The following ZNF92 variants were observed in gnomAD, a reference collection of about 807,000 sequenced individuals.
ZNF92 encodes the protein zinc finger protein 92, also known as epididymis luminal protein 203.
A neutral mutation model predicts 12.4 loss-of-function variants in ZNF92; 11 were observed. The ratio of observed to expected loss-of-function variants is 0.89; its 90% CI spans 0.56 to 1.47. The LOEUF (loss-of-function observed/expected upper bound fraction) is 1.47, where lower values mean the gene tolerates loss of function less well. Ranked by LOEUF, ZNF92 falls within the 40% of genes most tolerant of loss-of-function variation. The pLI, the probability that ZNF92 is intolerant of heterozygous loss-of-function variation, is 0.00. For missense variants in ZNF92, 622 were observed against 681.0 expected (o/e 0.91, Z 0.96); for synonymous variants, 206 against 228.6 (o/e 0.90, Z 0.89).
At chr7:65,376,796 C>T (rs1793254875) in intron 1 of ZNF92, among the ~76,000 whole-genome samples, 1 of 152,054 alleles carries the variant, frequency 6.6e-6, no homozygotes, top group South Asian at 2.1e-4. Flanking sequence ...TAAGGCTTAG[C>T]TTTTAGAATG....
chr7:65,399,373 C>T lies in ZNF92; in HGVS notation c.1259C>T (p.Thr420Ile), dbSNP rs1584294611. 7 of 1,613,564 alleles carry T rather than the reference C, an allele frequency of 4.3e-6. No individual in the cohort carries two copies. Among genetic ancestry groups the T allele is most frequent in the Non-Finnish European group, 5.9e-6 (7 of 1,179,790 alleles). Reference sequence around the variant, plus strand: ...CTTACTGAACATAAGATAATTCATACTGGAGAGAAACCCTACAAATGTGAA... The same window carrying T: ...CTTACTGAACATAAGATAATTCATATTGGAGAGAAACCCTACAAATGTGAA... ...STLTEHKIIH[T>I]GEKPYKCEKC... is the part of the protein sequence containing the mutation. Residue 420 changes from threonine to isoleucine, a missense_variant, in exon 4 of 4, where the codon ACT becomes ATT. By Grantham distance (89) the Thr-to-Ile change is moderately conservative. Coordinates refer to ENST00000328747, the MANE Select transcript of ZNF92 (RefSeq NM_152626.4).
intron 3 of ZNF92, among the ~76,000 whole-genome samples, chr7:65,390,109 G>T (rs1793672414): frequency 1.3e-5 from 2 of 152,028 alleles, no homozygotes; most frequent in Non-Finnish European, 2.9e-5. Context: ...TTTATATCAT[G>T]TAGCTTATTT....
intron 3 of ZNF92, among the ~76,000 whole-genome samples, chr7:65,391,390 T>G (rs1408589559): frequency 6.6e-6 from 1 of 152,166 alleles, no homozygotes; most frequent in African/African-American, 2.4e-5. Context: ...TATTTCAAAT[T>G]TGTCTGTAAC....
rs781442558 is a variant in ZNF92, at chr7:65,399,537, C to G, written c.1423C>G (p.His475Asp). 1.2e-6 allele frequency: 2 copies of G among 1,613,396 alleles called. No homozygotes were observed. The highest frequency in any genetic ancestry group is 1.7e-6 in the Non-Finnish European group (2 of 1,179,684). Reference protein sequence around the residue: ...FSTLTKHKIIHTREKPYKCEE... With the variant: ...FSTLTKHKIIDTREKPYKCEE... ...AACCCTTACTAAACATAAAATAATT[C>G]ATACTAGAGAAAAACCCTACAAATG... Residue 475 changes from histidine (H) to aspartate (D), a missense_variant, in exon 4 of 4, where the codon CAT (histidine) becomes GAT (aspartate). Coordinates refer to ENST00000328747, the MANE Select transcript of ZNF92 (RefSeq NM_152626.4).
rs1332694368 is a variant in ZNF92, at chr7:65,399,384, C to T, written c.1270C>T (p.Pro424Ser). ...TAAGATAATTCATACTGGAGAGAAA[C>T]CCTACAAATGTGAAAAATGTGGCAA... ...EHKIIHTGEKPYKCEKCGKAF... is the reference protein window; with the variant it reads ...EHKIIHTGEKSYKCEKCGKAF... The change falls in exon 4 of 4, where the codon CCC becomes TCC. Residue 424 changes from proline to serine, a missense_variant. Physicochemically the swap from Pro to Ser is moderately conservative, Grantham distance 74. Coordinates refer to ENST00000328747, the MANE Select transcript of ZNF92 (RefSeq NM_152626.4). 9 of 1,613,124 alleles carry T rather than the reference C, an allele frequency of 5.6e-6. No homozygotes were observed. The highest frequency in any genetic ancestry group is 7.6e-6 in the Non-Finnish European group (9 of 1,179,668).
chr7:65,389,108 C>T (rs1033139556), intron 3 of ZNF92, among the ~76,000 whole-genome samples: 3 of 151,906 alleles, frequency 2.0e-5, no homozygotes, highest in Non-Finnish European at 2.9e-5. Flanking sequence ...TACAGGCACC[C>T]ACCACCATGC....
At position 65,399,671 on chromosome 7, in the gene ZNF92, C is replaced by T. The variant is rs754758417; in HGVS notation, c.1557C>T (p.Asn519=). 9 of 1,613,396 alleles carry T rather than the reference C, an allele frequency of 5.6e-6. No individual in the cohort carries two copies. Among genetic ancestry groups the T allele is most frequent in the Middle Eastern group, 1.6e-4 (1 of 6,080 alleles). The change falls in exon 4 of 4, where the codon AAC becomes AAT. Residue 519 remains asparagine, a synonymous_variant. Coordinates refer to ENST00000328747, the MANE Select transcript of ZNF92 (RefSeq NM_152626.4). The part of the protein sequence containing the change: ...YKCEKCGNAF[N]QSSNLTARKI... ...GTGAAAAATGTGGCAATGCTTTTAA[C>T]CAGTCCTCAAACCTTACTGCACGTA...
rs1793962872 is a variant in ZNF92 at position 65,399,816 on chromosome 7, G to A, written c.1702G>A (p.Glu568Lys). Reference sequence around the variant, plus strand: ...TACTGGAGAGAAACCCTGCAAACATGAATGTGGCAGAGCCTTTAACAAATC... The same window carrying A: ...TACTGGAGAGAAACCCTGCAAACATAAATGTGGCAGAGCCTTTAACAAATC... ...IYTGEKPCKH[E>K]CGRAFNKSSN... Residue 568 changes from glutamate to lysine, a missense_variant, in exon 4 of 4, where the codon GAA becomes AAA. Glu to Lys is a moderately conservative substitution (Grantham distance 56). Coordinates refer to ENST00000328747, the MANE Select transcript of ZNF92 (RefSeq NM_152626.4). The A allele has an allele frequency of 1.2e-6, 2 of 1,610,476 alleles. No individual in the cohort carries two copies. Among genetic ancestry groups the A allele is most frequent in the Non-Finnish European group, 1.7e-6 (2 of 1,178,356 alleles).
At chr7:65,392,229 T>G (rs1193862749) in intron 3 of ZNF92, among the ~76,000 whole-genome samples, 5 of 152,102 alleles carry the variant, frequency 3.3e-5, no homozygotes, top group East Asian at 1.9e-4. Context: ...TTTCAATGGT[T>G]GTTTTGTCTA....
In ZNF92 at chr7:65,399,513, A is replaced by G. The variant is rs143444213; in HGVS notation, c.1399A>G (p.Thr467Ala). 4,517 of 1,613,406 alleles carry G rather than the reference A, an allele frequency of 2.8e-3. 43 individuals carry two copies. Among genetic ancestry groups the G allele is most frequent in the Non-Finnish European group, 2.4e-3 (2,879 of 1,179,682 alleles). Residue 467 changes from threonine to alanine, a missense_variant, in exon 4 of 4, where the codon ACC (threonine) becomes GCC (alanine). By Grantham distance (58) the Thr-to-Ala change is moderately conservative. Coordinates refer to ENST00000328747, the MANE Select transcript of ZNF92 (RefSeq NM_152626.4). ...ECGKAFSVFS[T>A]LTKHKIIHTR... ...TGGCAAAGCCTTTAGTGTATTCTCA[A>G]CCCTTACTAAACATAAAATAATTCA...
rs914360363 is a variant in ZNF92, at chr7:65,378,667, G to A, written c.3+4667G>A. Among the ~76,000 whole-genome samples, 13 of 151,890 alleles carry A rather than the reference G, an allele frequency of 8.6e-5. No homozygotes were observed. In the South Asian group the frequency reaches 1.0e-3, roughly 12 times the overall value. On this transcript the variant is annotated intron_variant, in intron 1 of 3. Coordinates refer to ENST00000328747, the MANE Select transcript of ZNF92 (RefSeq NM_152626.4). ...TGAGGCAGGAGAATGGTGTGAACCC[G>A]GGAGGCAGAGCTTGCGGTGAGCCGA...
Position 65,373,877 on chromosome 7 carries a change from C to T in ZNF92, c.-121C>T. 7.1e-7 allele frequency: 1 copy of T among 1,408,590 alleles called. No individual in the cohort carries two copies. Among genetic ancestry groups the T allele is most frequent in the Non-Finnish European group, 1.0e-6 (1 of 995,164 alleles). 87.3% of individuals were successfully genotyped at this position (1,408,590 alleles called of 1,614,324 possible). On this transcript the variant is annotated 5_prime_UTR_variant, in exon 1 of 4. Coordinates refer to ENST00000328747, the MANE Select transcript of ZNF92 (RefSeq NM_152626.4). The stretch of plus-strand genomic sequence containing the variant: ...TTTGTCTCTCGCTGCAGCCGGCGCT[C>T]CACGTCTAGTCTTCACTGCTCTGCG...
In ZNF92 at chr7:65,399,884, A is replaced by C; in HGVS notation, c.*9A>C. ...AGAAACTACAAACCTGAAAGATGTG[A>C]CAATGATTTTCACTACACCTCAAAC... is the stretch of plus-strand genomic sequence containing the variant. On this transcript the variant is annotated 3_prime_UTR_variant, in exon 4 of 4. Coordinates refer to ENST00000328747, the MANE Select transcript of ZNF92 (RefSeq NM_152626.4). 1 of 1,550,700 alleles carries C rather than the reference A, an allele frequency of 6.4e-7. No homozygotes were observed. The highest frequency in any genetic ancestry group is 8.7e-7 in the Non-Finnish European group (1 of 1,152,012).
At chr7:65,374,557 A>T (rs1015214507) in intron 1 of ZNF92, among the ~76,000 whole-genome samples, 19 of 152,062 alleles carry the variant, frequency 1.2e-4, no homozygotes, top group African/African-American at 4.6e-4. Context: ...AACAAGTTTA[A>T]TAATTGGTTA....
At chr7:65,378,949 A>G (rs1793328963) in intron 1 of ZNF92, among the ~76,000 whole-genome samples, 2 of 152,016 alleles carry the variant, frequency 1.3e-5, no homozygotes, top group Admixed American at 6.5e-5. Flanking sequence ...AATCACAGCT[A>G]TTTACCAGGA....
At chr7:65,396,512 G>A (rs1793849995) in intron 3 of ZNF92, among the ~76,000 whole-genome samples, 1 of 151,830 alleles carries the variant, frequency 6.6e-6, no homozygotes, top group Non-Finnish European at 1.5e-5. Context: ...TTTATATTTT[G>A]TTTCTCATAT....
intron 3 of ZNF92, among the ~76,000 whole-genome samples, chr7:65,392,813 A>G (rs1793749819): frequency 6.6e-6 from 1 of 152,046 alleles, no homozygotes; most frequent in African/African-American, 2.4e-5. Context: ...CTGGGATTAC[A>G]GGAGTGAGCC....
chr7:65,399,728 A>T lies in ZNF92; in HGVS notation c.1614A>T (p.Lys538Asn). 1 of 1,613,294 alleles carries T rather than the reference A, an allele frequency of 6.2e-7. No homozygotes were observed. Among genetic ancestry groups the T allele is most frequent in the Non-Finnish European group, 8.5e-7 (1 of 1,179,460 alleles). Reference protein sequence around the residue: ...KIIYTGEKPYKYEECDKAFNK... With the variant: ...KIIYTGEKPYNYEECDKAFNK... The stretch of plus-strand genomic sequence containing the variant: ...TTTATACTGGAGAGAAACCCTACAA[A>T]TATGAAGAATGTGACAAAGCCTTTA... Residue 538 changes from lysine to asparagine, a missense_variant, in exon 4 of 4, where the codon AAA becomes AAT. By Grantham distance (94) the Lys-to-Asn change is moderately conservative (BLOSUM62 0). Coordinates refer to ENST00000328747, the MANE Select transcript of ZNF92 (RefSeq NM_152626.4).
At chr7:65,387,862 T>G in intron 1 of ZNF92, 40 bp from the exon 2 acceptor site, 2 of 1,532,004 alleles carry the variant, frequency 1.3e-6, no homozygotes, top group Non-Finnish European at 1.7e-6. Context: ...GGCCACTTAG[T>G]AAACATATGT....
Sources: gnomAD v4.1 joint callset for allele counts (sites outside exome capture counted in the v4.1 genomes callset) on GRCh38, gnomAD v4.1.1 for gene constraint, MANE v1.5 for transcripts, NCBI Gene and HGNC (gene_info 2026-07-23, HGNC 2026-07-21) for gene names.